Variants in TAF2 observed in about 807,000 individuals in gnomAD.
The protein encoded by TAF2 is TATA-box binding protein associated factor 2.
Under a neutral mutation model 138.5 loss-of-function variants are expected in TAF2, and 61 were observed. The observed-to-expected ratio is 0.44, with a 90% CI of 0.36 to 0.54. TAF2 has a LOEUF of 0.54. TAF2 is among the 20% of genes least tolerant of loss of function. TAF2 has a pLI of 0.00. For missense variants in TAF2, 1,090 were observed against 1,427.9 expected (o/e 0.76, Z 3.81); for synonymous variants, 475 against 469.9 (o/e 1.01, Z -0.14).
chr8:119,826,032 G>A (rs956998618), intron 2 of TAF2, among the ~76,000 whole-genome samples: 1 of 151,868 alleles, frequency 6.6e-6, no homozygotes. Context: ...AATACCACAT[G>A]TTCTCACTCA....
intron 19 of TAF2, chr8:119,761,598 C>G (rs1279290549): frequency 6.6e-6 from 1 of 152,052 alleles, no homozygotes; most frequent in African/African-American, 2.4e-5. Flanking sequence ...TTCAGGAGTT[C>G]GAGACCTACC....
chr8:119,749,740 G>T (rs1281154767), intron 22 of TAF2, among the ~76,000 whole-genome samples: 1 of 152,062 alleles, frequency 6.6e-6, no homozygotes, highest in African/African-American at 2.4e-5. Flanking sequence ...GAGAGGCCCT[G>T]AACAGCCTCT....
At position 119,806,306 on chromosome 8, in the gene TAF2, G is replaced by C; in HGVS notation, c.395C>G (p.Ser132Ter). The change falls in exon 4 of 26, where the codon TCA becomes TGA. Residue 132 changes from serine (S) to a stop codon, truncating the protein, a stop_gained. Transcript: ENST00000378164. LOFTEE classifies it high-confidence loss of function. ...ACCATCAACGTGTTTCCATAGCTCT[G>C]ATGGAACCTTAATGCAAAGTTCTCC... ...GNGELCIKVP[S>*]ELWKHVDELK... 1 of 1,613,836 alleles carries C rather than the reference G, an allele frequency of 6.2e-7. No homozygotes were observed. Among genetic ancestry groups the C allele is most frequent in the Non-Finnish European group, 8.5e-7 (1 of 1,179,866 alleles).
At chr8:119,829,755 G>A (rs771068183) in intron 2 of TAF2, among the ~76,000 whole-genome samples, 9 of 151,854 alleles carry the variant, frequency 5.9e-5, no homozygotes, top group Non-Finnish European at 1.0e-4. Context: ...AATGAAAGAC[G>A]TAAAAAGTGC....
rs368900211 is a variant in TAF2 at position 119,832,693 on chromosome 8, G to C, written c.-129C>G. On this transcript the variant is annotated 5_prime_UTR_variant, in exon 1 of 26. Coordinates refer to ENST00000378164, the MANE Select transcript of TAF2 (RefSeq NM_003184.4). ...ACGTCTCGCAGCTGGCCGGTGCCCA[G>C]GTGAGCGACCTGACGGGTCGCTGCC... 26 of 821,870 alleles carry C rather than the reference G, an allele frequency of 3.2e-5. No homozygotes were observed. The African/African-American group carries it at 4.3e-4, about 14-fold the overall frequency. 50.9% of individuals were successfully genotyped at this position (821,870 alleles called of 1,614,324 possible). A position where few individuals can be genotyped will look rare whatever the true frequency, so the allele number is the denominator to read the frequency against.
At chr8:119,763,816 C>T (rs1420333590) in intron 18 of TAF2, among the ~76,000 whole-genome samples, 1 of 151,308 alleles carries the variant, frequency 6.6e-6, no homozygotes, top group Non-Finnish European at 1.5e-5. Context: ...ATTGCACCAC[C>T]GTACTCCAGC....
chr8:119,829,092 C>T (rs564721171), intron 2 of TAF2, among the ~76,000 whole-genome samples: 2 of 152,124 alleles, frequency 1.3e-5, no homozygotes, highest in Admixed American at 6.5e-5. Context: ...ACAGTGGATG[C>T]GTTGGGGTTA....
chr8:119,757,252 C>T (rs374789809), intron 21 of TAF2, among the ~76,000 whole-genome samples: 5 of 151,964 alleles, frequency 3.3e-5, no homozygotes, highest in African/African-American at 9.7e-5. Context: ...AATAAGACTA[C>T]GGAAGGATTA....
chr8:119,777,730 T>C (rs1221117615), intron 18 of TAF2, among the ~76,000 whole-genome samples: 1 of 152,212 alleles, frequency 6.6e-6, no homozygotes, highest in East Asian at 1.9e-4. Flanking sequence ...TTATCAAGTT[T>C]TAACTGGCTA....
intron 22 of TAF2, among the ~76,000 whole-genome samples, chr8:119,747,545 C>T (rs1446386280): frequency 6.6e-6 from 1 of 152,154 alleles, no homozygotes; most frequent in Non-Finnish European, 1.5e-5. Flanking sequence ...TTCCATTTCT[C>T]TGAGTCTCAG....
At chr8:119,754,201 T>C (rs375151269) in intron 22 of TAF2, among the ~76,000 whole-genome samples, 2 of 152,280 alleles carry the variant, frequency 1.3e-5, no homozygotes, top group African/African-American at 4.8e-5. Context: ...TGCACTGTTA[T>C]TATGAAACAG....
At chr8:119,829,959 G>C (rs992824197) in intron 2 of TAF2, among the ~76,000 whole-genome samples, 45 of 150,568 alleles carry the variant, frequency 3.0e-4, no homozygotes, top group African/African-American at 1.1e-3. Flanking sequence ...CCCAGGTTCG[G>C]CGCGATCTCG....
intron 18 of TAF2, among the ~76,000 whole-genome samples, chr8:119,767,356 G>T (rs1414326190): frequency 1.3e-5 from 2 of 152,176 alleles, no homozygotes; most frequent in Non-Finnish European, 2.9e-5. Flanking sequence ...GAAAGCAGAG[G>T]AGAGCAAAGC....
intron 23 of TAF2, among the ~76,000 whole-genome samples, chr8:119,745,515 T>C (rs1819900145): frequency 1.3e-5 from 2 of 152,058 alleles, no homozygotes. Context: ...AATAAGCAAA[T>C]TTAAAATGAA....
chr8:119,796,028 A>C (rs797002621), intron 8 of TAF2, among the ~76,000 whole-genome samples: 15 of 152,256 alleles, frequency 9.9e-5, no homozygotes, highest in African/African-American at 3.6e-4. Flanking sequence ...AATCCCATGC[A>C]TTATGCCATT....
At chr8:119,829,801 T>G (rs1472889379) in intron 2 of TAF2, among the ~76,000 whole-genome samples, 1 of 151,948 alleles carries the variant, frequency 6.6e-6, no homozygotes, top group Non-Finnish European at 1.5e-5. Flanking sequence ...TAAAAAGGGT[T>G]TCATCATTTG....
intron 21 of TAF2, among the ~76,000 whole-genome samples, chr8:119,756,510 T>A (rs1288532564): frequency 2.0e-5 from 3 of 152,164 alleles, no homozygotes; most frequent in Non-Finnish European, 4.4e-5. Flanking sequence ...CAATGACTGG[T>A]CAGTAAGTAT....
At chr8:119,813,608 G>A (rs1825248036) in intron 3 of TAF2, among the ~76,000 whole-genome samples, 1 of 152,228 alleles carries the variant, frequency 6.6e-6, no homozygotes, top group South Asian at 2.1e-4. Flanking sequence ...TCCAGAGAAG[G>A]ACAAAGAGGA....
chr8:119,769,767 T>TC (rs1821693699), intron 18 of TAF2, among the ~76,000 whole-genome samples: 1 of 151,786 alleles, frequency 6.6e-6, no homozygotes, highest in Non-Finnish European at 1.5e-5. Flanking sequence ...GAACTGTTTT[T>TC]TTTTTTTTTA....
Sources: gnomAD v4.1 joint callset for allele counts (sites outside exome capture counted in the v4.1 genomes callset) on GRCh38, gnomAD v4.1.1 for gene constraint, MANE v1.5 for transcripts, NCBI Gene and HGNC (gene_info 2026-07-23, HGNC 2026-07-21) for gene names.